YAP1: variants seen among roughly 807,000 people sequenced by gnomAD.
YAP1 encodes the protein transcriptional coactivator YAP1.
A neutral mutation model predicts 56.9 loss-of-function variants in YAP1; 5 were observed. The ratio of observed to expected loss-of-function variants is 0.09; its 90% confidence interval spans 0.05 to 0.18. The LOEUF (loss-of-function observed/expected upper bound fraction) is 0.18, where lower values mean the gene tolerates loss of function less well. Ranked by LOEUF, YAP1 falls within the 10% of genes least tolerant of loss-of-function variation. The pLI is 1.00. For missense variants in YAP1, 539 were observed against 651.8 expected, an observed-to-expected ratio of 0.83 and a Z score of 1.88; for synonymous variants, 265 against 248.1, an observed-to-expected ratio of 1.07 and a Z score of -0.64.
chr11:102,143,820 A>G (rs1945164040), intron 2 of YAP1, among the ~76,000 whole-genome samples: 1 of 152,230 alleles, frequency 6.6e-6, no homozygotes, highest in African/African-American at 2.4e-5. Context: ...TTTTTGTATG[A>G]TAACTGTGAA....
intron 2 of YAP1, among the ~76,000 whole-genome samples, chr11:102,134,375 T>C (rs147038079): frequency 6.6e-6 from 1 of 151,734 alleles, no homozygotes; most frequent in African/African-American, 2.4e-5. Context: ...CGATTGAGAG[T>C]TGGATTTTTT....
chr11:102,224,374 T>C (rs527278816), intron 7 of YAP1, among the ~76,000 whole-genome samples: 1 of 152,366 alleles, frequency 6.6e-6, no homozygotes, highest in East Asian at 1.9e-4. Context: ...GTCTGTAAGC[T>C]GAAACAGGTC....
chr11:102,119,249 G>A (rs532045354), intron 2 of YAP1, among the ~76,000 whole-genome samples: 3 of 151,962 alleles, frequency 2.0e-5, no homozygotes, highest in African/African-American at 7.2e-5. Context: ...ATTCACCAGT[G>A]GCAGAAGAAA....
chr11:102,209,644 G>T (rs1949297288), intron 6 of YAP1, 80 bp downstream of exon 6: 2 of 1,343,024 alleles, frequency 1.5e-6, no homozygotes, highest in South Asian at 2.8e-5. Context: ...TTACATTCCA[G>T]GGTCCTGTCC....
chr11:102,144,877 CAT>C (rs34115343), intron 2 of YAP1, among the ~76,000 whole-genome samples: 11,603 of 55,532 alleles, frequency 0.21, 693 homozygotes, highest in South Asian at 0.35. Context: ...CACACACACA[CAT>C]ACACACACTC....
At chr11:102,178,016 G>T (rs1485712598) in intron 3 of YAP1, among the ~76,000 whole-genome samples, 2 of 152,174 alleles carry the variant, frequency 1.3e-5, no homozygotes, top group African/African-American at 2.4e-5. Flanking sequence ...ACTAGGTTGG[G>T]CTGAATGATC....
intron 2 of YAP1, among the ~76,000 whole-genome samples, chr11:102,140,612 A>T (rs570939171): frequency 6.6e-6 from 1 of 152,172 alleles, no homozygotes; most frequent in Non-Finnish European, 1.5e-5. Flanking sequence ...TGGGAGGCCA[A>T]AGCGGACGGA....
intron 2 of YAP1, among the ~76,000 whole-genome samples, chr11:102,160,493 G>T (rs1946208309): frequency 6.6e-6 from 1 of 152,172 alleles, no homozygotes; most frequent in African/African-American, 2.4e-5. Flanking sequence ...GAGTTTATGT[G>T]CTAGTTCTGG....
At chr11:102,209,422 A>T (rs1428967590) in intron 5 of YAP1, 95 bp from the exon 6 acceptor site, 2 of 1,118,664 alleles carry the variant, frequency 1.8e-6, no homozygotes, top group Non-Finnish European at 2.6e-6. Context: ...ATTCTGTGCT[A>T]TGGTGATATG....
chr11:102,171,253 T>C (rs1040325183), intron 3 of YAP1, among the ~76,000 whole-genome samples: 1 of 152,234 alleles, frequency 6.6e-6, no homozygotes, highest in African/African-American at 2.4e-5. Flanking sequence ...TTCTAAATCC[T>C]TCTGGTTACT....
intron 2 of YAP1, among the ~76,000 whole-genome samples, chr11:102,161,129 C>G (rs775610072): frequency 7.3e-6 from 1 of 137,914 alleles, no homozygotes; most frequent in African/African-American, 2.8e-5. Flanking sequence ...GGTGCCATCT[C>G]GGCTCACTGC....
chr11:102,223,674 A>C lies in YAP1; in HGVS notation c.1085A>C (p.Gln362Pro). 1.2e-6 allele frequency: 2 copies of C among 1,614,158 alleles called. No individual in the cohort carries two copies. The highest frequency in any genetic ancestry group is 1.7e-6 in the Non-Finnish European group (2 of 1,180,004). The change falls in exon 7 of 9, where the codon CAA (glutamine) becomes CCA (proline). Residue 362 changes from glutamine to proline, a missense_variant. Gln to Pro is a moderately conservative substitution (Grantham distance 76). Transcript: ENST00000282441. ...LPTLEQDGGT[Q>P]NPVSSPGMSQ... ...ACACTGGAGCAGGATGGTGGGACTC[A>C]AAATCCAGTGTCTTCTCCCGGGATG...
chr11:102,207,581 CTGTTTTT>C (rs1949186455), intron 5 of YAP1, among the ~76,000 whole-genome samples: 2 of 150,910 alleles, frequency 1.3e-5, no homozygotes, highest in African/African-American at 4.9e-5. Flanking sequence ...ACCTAAAGGT[CTGTTTTT>C]TGTTTTTTGG....
At chr11:102,112,309 A>G in intron 1 of YAP1, 1 of 780,444 alleles carries the variant, frequency 1.3e-6, no homozygotes, top group Non-Finnish European at 1.6e-6. Context: ...TTATTGTGCC[A>G]ACTTGATTCA....
intron 2 of YAP1, among the ~76,000 whole-genome samples, chr11:102,139,303 C>G (rs763252099): frequency 1.3e-5 from 2 of 151,510 alleles, no homozygotes; most frequent in Non-Finnish European, 2.9e-5. Flanking sequence ...AGAGGCTTTG[C>G]GAGAAAAAAG....
At chr11:102,164,751 T>C (rs1396490547) in intron 3 of YAP1, among the ~76,000 whole-genome samples, 1 of 151,970 alleles carries the variant, frequency 6.6e-6, no homozygotes, top group Admixed American at 6.6e-5. Context: ...GGATGGAGTT[T>C]TGCTCTTGTA....
intron 4 of YAP1, among the ~76,000 whole-genome samples, chr11:102,198,185 G>C (rs1016074899): frequency 2.6e-5 from 4 of 152,094 alleles, no homozygotes; most frequent in African/African-American, 9.7e-5. Flanking sequence ...CTGTGGACTG[G>C]TTCTTCCTTC....
intron 1 of YAP1, among the ~76,000 whole-genome samples, chr11:102,112,011 G>A (rs1259883878): frequency 6.6e-6 from 1 of 152,192 alleles, no homozygotes; most frequent in Non-Finnish European, 1.5e-5. Flanking sequence ...AGTAGGTCGC[G>A]TGTTGGTTTC....
intron 5 of YAP1, among the ~76,000 whole-genome samples, chr11:102,207,527 T>TA (rs879674853): frequency 1.0e-3 from 142 of 141,514 alleles, no homozygotes; most frequent in Middle Eastern, 3.7e-3. Context: ...CTCTGTCTCT[T>TA]AAAAAAAAAA....
Sources: gnomAD v4.1 joint callset for allele counts (sites outside exome capture counted in the v4.1 genomes callset) on GRCh38, gnomAD v4.1.1 for gene constraint, MANE v1.5 for transcripts, NCBI Gene and HGNC (gene_info 2026-07-23, HGNC 2026-07-21) for gene names.